Variants in CNTN5 observed in about 807,000 individuals in gnomAD.
CNTN5 encodes the protein contactin-5.
A neutral mutation model predicts 129.1 loss-of-function variants in CNTN5; 77 were observed. The ratio of observed to expected loss-of-function variants is 0.60; its 90% CI spans 0.50 to 0.72. CNTN5 has a LOEUF of 0.72. Ranked by LOEUF, CNTN5 falls within the 30% of genes least tolerant of loss-of-function variation. CNTN5 has a pLI of 0.00. For synonymous variants in CNTN5, 509 were observed against 465.6 expected (o/e 1.09, Z -1.20); for missense variants, 1,478 against 1,328.8 (o/e 1.11, Z -1.75).
chr11:100,255,373 T>G (rs1035781894), intron 16 of CNTN5, among the ~76,000 whole-genome samples: 5 of 72,312 alleles, frequency 6.9e-5, no homozygotes, highest in East Asian at 6.7e-4. Context: ...AAGGATGAGA[T>G]TTTTTTTTTG....
intron 8 of CNTN5, among the ~76,000 whole-genome samples, chr11:99,988,180 C>G (rs1938814626): frequency 6.6e-6 from 1 of 152,202 alleles, no homozygotes; most frequent in Non-Finnish European, 1.5e-5. Context: ...CATCTTGTAT[C>G]TCAAATATGA....
intron 9 of CNTN5, among the ~76,000 whole-genome samples, chr11:100,006,861 T>A (rs1940225696): frequency 6.6e-6 from 1 of 152,154 alleles, no homozygotes; most frequent in South Asian, 2.1e-4. Flanking sequence ...TCTACCCTTA[T>A]AAAATGTATT....
intron 2 of CNTN5, among the ~76,000 whole-genome samples, chr11:99,372,553 T>A (rs1469691487): frequency 6.6e-6 from 1 of 152,150 alleles, no homozygotes; most frequent in Non-Finnish European, 1.5e-5. Flanking sequence ...TAATTCCCCA[T>A]CTGTGTGAAA....
At chr11:99,929,345 TCTGC>T (rs1950137920) in intron 7 of CNTN5, among the ~76,000 whole-genome samples, 1 of 152,180 alleles carries the variant, frequency 6.6e-6, no homozygotes, top group African/African-American at 2.4e-5. Flanking sequence ...TGTTCCAACC[TCTGC>T]CTGTTACCCA....
intron 1 of CNTN5, among the ~76,000 whole-genome samples, chr11:99,244,294 T>G (rs1861712532): frequency 6.6e-6 from 1 of 152,206 alleles, no homozygotes; most frequent in Admixed American, 6.5e-5. Flanking sequence ...CTGATTTTTG[T>G]ACATTGATTT....
chr11:100,236,679 C>G (rs1014568325), intron 16 of CNTN5, among the ~76,000 whole-genome samples: 1 of 152,092 alleles, frequency 6.6e-6, no homozygotes. Flanking sequence ...AGTTCCCCGA[C>G]TGTAGCTGCC....
At chr11:99,133,222 G>T (rs953528761) in intron 1 of CNTN5, among the ~76,000 whole-genome samples, 9 of 151,976 alleles carry the variant, frequency 5.9e-5, no homozygotes, top group Admixed American at 3.9e-4. Context: ...ATTGAAACTG[G>T]GTTTCTTCCT....
intron 9 of CNTN5, among the ~76,000 whole-genome samples, chr11:100,046,762 C>T (rs556078665): frequency 7.7e-4 from 117 of 152,050 alleles, no homozygotes; most frequent in Non-Finnish European, 1.3e-3. Flanking sequence ...CCATATTAGG[C>T]CTCAATTGTA....
intron 6 of CNTN5, among the ~76,000 whole-genome samples, chr11:99,845,564 G>T (rs1016701714): frequency 6.6e-6 from 1 of 151,742 alleles, no homozygotes; most frequent in South Asian, 2.1e-4. Flanking sequence ...AGTAGAGACG[G>T]GGTTTCACCG....
At chr11:99,426,659 A>G (rs1417687760) in intron 2 of CNTN5, among the ~76,000 whole-genome samples, 1 of 152,124 alleles carries the variant, frequency 6.6e-6, no homozygotes, top group African/African-American at 2.4e-5. Flanking sequence ...AAAAATACTG[A>G]ACTAATTTTC....
At chr11:99,210,539 T>C (rs1859715488) in intron 1 of CNTN5, among the ~76,000 whole-genome samples, 2 of 152,126 alleles carry the variant, frequency 1.3e-5, no homozygotes, top group South Asian at 4.1e-4. Flanking sequence ...GAAGTAAGAA[T>C]TGTTTGTATG....
intron 2 of CNTN5, among the ~76,000 whole-genome samples, chr11:99,472,796 G>T (rs1393210786): frequency 6.6e-6 from 1 of 151,870 alleles, no homozygotes; most frequent in East Asian, 1.9e-4. Flanking sequence ...ACCCTCCCCA[G>T]GTGCACACCA....
At chr11:99,675,554 G>A (rs1248413740) in intron 3 of CNTN5, among the ~76,000 whole-genome samples, 5 of 152,004 alleles carry the variant, frequency 3.3e-5, no homozygotes, top group Admixed American at 6.6e-5. Flanking sequence ...GCATGGTGGT[G>A]GGCACCTGTA....
intron 3 of CNTN5, among the ~76,000 whole-genome samples, chr11:99,772,091 A>T (rs1351836658): frequency 6.6e-6 from 1 of 151,838 alleles, no homozygotes; most frequent in African/African-American, 2.4e-5. Flanking sequence ...TTTTATCAAC[A>T]ATGGAGTGCT....
rs1166021549 is a variant in CNTN5 at position 99,859,877 on chromosome 11, G to A, written c.577+14615G>A. ...TGGTTATATACCCAGTAATGAGATT[G>A]CTGGGTAGAATGGTAATTCTAAGTT... is the stretch of plus-strand genomic sequence containing the variant. On this transcript the variant is annotated intron_variant, in intron 6 of 24. Coordinates refer to ENST00000524871, the MANE Select transcript of CNTN5 (RefSeq NM_014361.4). Among the ~76,000 whole-genome samples the A allele has an allele frequency of 4.6e-5, 7 of 152,250 alleles. No homozygotes were observed. In the South Asian group the frequency reaches 1.0e-3, roughly 23 times the overall value.
At chr11:99,623,088 G>A (rs1951007882) in intron 3 of CNTN5, among the ~76,000 whole-genome samples, 1 of 152,168 alleles carries the variant, frequency 6.6e-6, no homozygotes, top group African/African-American at 2.4e-5. Context: ...TCATTTCAAT[G>A]TAACCTCTGT....
At chr11:99,796,414 C>T (rs1945942217) in intron 3 of CNTN5, among the ~76,000 whole-genome samples, 1 of 151,890 alleles carries the variant, frequency 6.6e-6, no homozygotes, top group Non-Finnish European at 1.5e-5. Context: ...TAGCCATAGG[C>T]AAGTGTATGC....
At chr11:100,319,478 A>G (rs1262673990) in intron 21 of CNTN5, among the ~76,000 whole-genome samples, 1 of 152,114 alleles carries the variant, frequency 6.6e-6, no homozygotes, top group Non-Finnish European at 1.5e-5. Context: ...TGACAGATGA[A>G]ATTATATGGA....
At chr11:99,861,108 A>G (rs1028686549) in intron 6 of CNTN5, among the ~76,000 whole-genome samples, 1 of 151,968 alleles carries the variant, frequency 6.6e-6, no homozygotes, top group Non-Finnish European at 1.5e-5. Context: ...GGCGCCAACC[A>G]CCAAGCCTGG....
Sources: gnomAD v4.1 joint callset for allele counts (sites outside exome capture counted in the v4.1 genomes callset) on GRCh38, gnomAD v4.1.1 for gene constraint, MANE v1.5 for transcripts, NCBI Gene and HGNC (gene_info 2026-07-23, HGNC 2026-07-21) for gene names.